TTLL5: variants seen among roughly 807,000 people sequenced by gnomAD.
TTLL5 encodes tubulin tyrosine ligase like 5.
In TTLL5, 132 loss-of-function variants were observed where a neutral mutation model predicts 168.4. The observed-to-expected ratio is 0.78, with a 90% CI of 0.68 to 0.91. TTLL5 has a LOEUF of 0.91. Among genes scored for constraint, TTLL5 ranks in the 40% least tolerant of loss-of-function variants. TTLL5 has a pLI of 0.00. For missense variants in TTLL5, 1,545 were observed against 1,581.5 expected (o/e 0.98, Z 0.39); for synonymous variants, 546 against 558.6 (o/e 0.98, Z 0.32).
At chr14:75,699,089 C>A (rs1886075343) in intron 6 of TTLL5, 99 bp from the exon 7 acceptor site, 3 of 1,054,822 alleles carry the variant, frequency 2.8e-6, no homozygotes, top group Non-Finnish European at 4.3e-6. Context: ...TTTTTGGGTT[C>A]CCTGAGTAGA....
intron 27 of TTLL5, 143 bp from the exon 28 acceptor site, chr14:75,819,862 CTT>C: frequency 1.3e-6 from 1 of 785,330 alleles, no homozygotes; most frequent in South Asian, 2.0e-5. Context: ...GGAGCCATTC[CTT>C]CCTGAGTGCC....
chr14:75,921,911 G>C (rs1341371578), intron 31 of TTLL5, among the ~76,000 whole-genome samples: 1 of 152,182 alleles, frequency 6.6e-6, no homozygotes, highest in Non-Finnish European at 1.5e-5. Context: ...TTGAGCAGTA[G>C]TTTGTAGTTC....
intron 30 of TTLL5, among the ~76,000 whole-genome samples, chr14:75,893,021 A>G (rs1046381008): frequency 7.2e-5 from 11 of 152,154 alleles, no homozygotes; most frequent in African/African-American, 2.2e-4. Context: ...ATTCCAAAAC[A>G]CATGAAAAAA....
chr14:75,944,394 G>A (rs4903359), intron 31 of TTLL5, among the ~76,000 whole-genome samples: 120,678 of 152,042 alleles, frequency 0.79, 47,993 homozygotes, highest in African/African-American at 0.84. Context: ...GGAACAAACA[G>A]AGGCACAATC....
At chr14:75,712,203 G>T (rs1337587759) in intron 9 of TTLL5, 1 of 151,976 alleles carries the variant, frequency 6.6e-6, no homozygotes, top group African/African-American at 2.4e-5. Context: ...TCTTCCATAA[G>T]ATTTTTCTGG....
chr14:75,717,790 T>C, intron 9 of TTLL5, 71 bp from the exon 10 acceptor site: 1 of 1,416,334 alleles, frequency 7.1e-7, no homozygotes, highest in Non-Finnish European at 9.9e-7. Context: ...ATTATCTCAT[T>C]GATCCTCAGT....
At chr14:75,666,572 A>G (rs947158490) in intron 2 of TTLL5, among the ~76,000 whole-genome samples, 2 of 152,230 alleles carry the variant, frequency 1.3e-5, no homozygotes, top group Non-Finnish European at 2.9e-5. Flanking sequence ...AGTGGGTGCT[A>G]TAGGAGTTCA....
At chr14:75,772,333 C>T (rs1238602929) in intron 21 of TTLL5, among the ~76,000 whole-genome samples, 7 of 152,206 alleles carry the variant, frequency 4.6e-5, no homozygotes, top group Non-Finnish European at 1.0e-4. Context: ...ATGTACTTTA[C>T]TTGCTCCTCC....
At chr14:75,752,229 A>G (rs891771244) in intron 17 of TTLL5, among the ~76,000 whole-genome samples, 3 of 152,226 alleles carry the variant, frequency 2.0e-5, no homozygotes, top group Non-Finnish European at 4.4e-5. Context: ...AATGCAGCCC[A>G]GTAGGCCTCA....
chr14:75,771,561 A>G (rs1045686973), intron 20 of TTLL5, among the ~76,000 whole-genome samples, 173 bp from the exon 21 acceptor site: 11 of 152,180 alleles, frequency 7.2e-5, no homozygotes, highest in African/African-American at 2.2e-4. Context: ...AAAAAGAAAA[A>G]CCTTCATGTA....
chr14:75,669,158 A>G (rs1883521645), intron 2 of TTLL5, among the ~76,000 whole-genome samples: 1 of 152,218 alleles, frequency 6.6e-6, no homozygotes, highest in Non-Finnish European at 1.5e-5. Flanking sequence ...TTATGTGCCT[A>G]TCTCTGAACC....
At chr14:75,676,514 G>T (rs750310438) in intron 3 of TTLL5, among the ~76,000 whole-genome samples, 1 of 152,148 alleles carries the variant, frequency 6.6e-6, no homozygotes, top group Non-Finnish European at 1.5e-5. Flanking sequence ...CGGACACAGA[G>T]TATATATGAA....
chr14:75,757,866 C>T (rs1333155516), intron 18 of TTLL5: 3 of 1,590,504 alleles, frequency 1.9e-6, no homozygotes, highest in Non-Finnish European at 2.6e-6. Flanking sequence ...ACAGGAAGAA[C>T]ACGGTAATTG....
chr14:75,703,893 C>A (rs950513523), intron 7 of TTLL5, among the ~76,000 whole-genome samples: 1 of 152,160 alleles, frequency 6.6e-6, no homozygotes, highest in East Asian at 1.9e-4. Context: ...TTATGTATCT[C>A]CAATTTTCAT....
At chr14:75,934,316 GGTTGCTTTTAAATAA>G (rs1437164991) in intron 31 of TTLL5, among the ~76,000 whole-genome samples, 1 of 152,146 alleles carries the variant, frequency 6.6e-6, no homozygotes, top group African/African-American at 2.4e-5. Flanking sequence ...ACTAGTTTGG[GGTTGCTTTTAAATAA>G]GTTAAAGTAA....
intron 28 of TTLL5, among the ~76,000 whole-genome samples, chr14:75,860,981 G>T (rs368999688): frequency 2.4e-4 from 36 of 152,286 alleles, no homozygotes; most frequent in East Asian, 1.5e-3. Context: ...TTTGATCAGT[G>T]CTCACCATGT....
chr14:75,865,856 G>A (rs896715688), intron 29 of TTLL5, among the ~76,000 whole-genome samples: 2 of 152,170 alleles, frequency 1.3e-5, no homozygotes, highest in South Asian at 2.1e-4. Context: ...CTGTTTTAGC[G>A]AGGAGGCAGA....
At chr14:75,883,215 G>A (rs2031912405) in intron 30 of TTLL5, among the ~76,000 whole-genome samples, 1 of 152,162 alleles carries the variant, frequency 6.6e-6, no homozygotes, top group African/African-American at 2.4e-5. Flanking sequence ...ATTTGAAAGG[G>A]GAGATACAGG....
chr14:75,942,556 G>C (rs952222757), intron 31 of TTLL5, among the ~76,000 whole-genome samples: 3 of 152,204 alleles, frequency 2.0e-5, no homozygotes, highest in African/African-American at 7.2e-5. Flanking sequence ...CAATGATTTA[G>C]ATCGTTTAGG....
Sources: allele counts gnomAD v4.1 joint callset (sites outside exome capture counted in the v4.1 genomes callset), GRCh38; gene constraint gnomAD v4.1.1; transcripts MANE v1.5; gene names NCBI Gene and HGNC (gene_info 2026-07-23, HGNC 2026-07-21).